SSBP2: variants seen among roughly 807,000 people sequenced by gnomAD.
SSBP2 encodes single-stranded DNA-binding protein 2.
In SSBP2, 17 loss-of-function variants were observed where a neutral mutation model predicts 61.8. The observed-to-expected ratio is 0.28, with a 90% CI of 0.19 to 0.41. The LOEUF is 0.41. SSBP2 is among the 10% of genes least tolerant of loss of function. SSBP2 has a pLI of 1.00. For synonymous variants in SSBP2, 139 were observed against 141.3 expected, an observed-to-expected ratio of 0.98 and a Z score of 0.12; for missense variants, 310 against 458.7, an observed-to-expected ratio of 0.68 and a Z score of 2.96.
intron 4 of SSBP2, among the ~76,000 whole-genome samples, chr5:81,570,825 C>T (rs1017587120): frequency 1.1e-4 from 16 of 152,154 alleles, no homozygotes; most frequent in Non-Finnish European, 1.6e-4. Context: ...CTAGTGAAGT[C>T]CATAATACAA....
At chr5:81,613,452 G>C (rs1047446463) in intron 4 of SSBP2, among the ~76,000 whole-genome samples, 1 of 152,054 alleles carries the variant, frequency 6.6e-6, no homozygotes, top group Non-Finnish European at 1.5e-5. Flanking sequence ...ATGAATGCAA[G>C]ATGATGATGA....
At chr5:81,734,197 A>G (rs2154000606) in intron 1 of SSBP2, among the ~76,000 whole-genome samples, 1 of 152,324 alleles carries the variant, frequency 6.6e-6, no homozygotes, top group African/African-American at 2.4e-5. Context: ...TTAAATACAC[A>G]GATAAAAACT....
At chr5:81,615,420 T>C in intron 4 of SSBP2, 53 bp downstream of exon 4, 3 of 1,288,582 alleles carry the variant, frequency 2.3e-6, no homozygotes, top group Non-Finnish European at 3.4e-6. Context: ...TTAAGAGCAG[T>C]GGTTAAACAG....
chr5:81,626,467 A>G (rs1169964428), intron 3 of SSBP2, among the ~76,000 whole-genome samples: 1 of 152,232 alleles, frequency 6.6e-6, no homozygotes, highest in East Asian at 1.9e-4. Flanking sequence ...TTTAATTATT[A>G]CGTTATTTTG....
chr5:81,746,257 C>G (rs1581469397), intron 1 of SSBP2, among the ~76,000 whole-genome samples: 1 of 151,890 alleles, frequency 6.6e-6, no homozygotes, highest in Non-Finnish European at 1.5e-5. Context: ...AAAGATCAAT[C>G]AAAAGCTAAC....
intron 1 of SSBP2, among the ~76,000 whole-genome samples, chr5:81,718,289 T>A (rs1386671044): frequency 2.0e-5 from 3 of 151,772 alleles, no homozygotes; most frequent in Admixed American, 2.0e-4. Flanking sequence ...ACCACAGAGA[T>A]AGGATTCAGA....
intron 14 of SSBP2, 24 bp from the exon 15 acceptor site, chr5:81,437,482 G>A: frequency 1.3e-6 from 2 of 1,591,106 alleles, no homozygotes; most frequent in Non-Finnish European, 8.6e-7. Context: ...TAAAAAGAAA[G>A]CCTTTATTAG....
At position 81,416,227 on chromosome 5, in the gene SSBP2, A is replaced by T. The variant is rs546203745; in HGVS notation, c.*4277T>A. ...CAAGACTGTCTCAAAAAAAAAAAAG[A>T]AAAAAAAATTTAAAAAAAAGGAAAA... On this transcript the variant is annotated 3_prime_UTR_variant, in exon 17 of 17. Transcript: ENST00000320672. The T allele has an allele frequency of 4.7e-5, 7 of 149,684 alleles. No individual in the cohort carries two copies. The East Asian group carries it at 1.2e-3, about 25-fold the overall frequency. The allele number at this position is 149,684 out of a possible 1,614,324, so 9.3% of individuals were successfully genotyped here. A position where few individuals can be genotyped will look rare whatever the true frequency, so the allele number is the denominator to read the frequency against.
At chr5:81,714,839 T>C (rs551873012) in intron 1 of SSBP2, among the ~76,000 whole-genome samples, 12 of 152,276 alleles carry the variant, frequency 7.9e-5, no homozygotes, top group African/African-American at 2.6e-4. Flanking sequence ...TCCCATTCTA[T>C]AGGTTGCTTG....
At chr5:81,523,902 C>A (rs1463193263) in intron 4 of SSBP2, among the ~76,000 whole-genome samples, 1 of 152,026 alleles carries the variant, frequency 6.6e-6, no homozygotes, top group African/African-American at 2.4e-5. Context: ...GAAATATTAA[C>A]ATTGTCTCCG....
intron 11 of SSBP2, chr5:81,447,852 C>T (rs1763502146): frequency 1.3e-5 from 2 of 152,116 alleles, no homozygotes; most frequent in South Asian, 2.1e-4. Context: ...AATTTTCTTA[C>T]TTTCATTTTT....
chr5:81,657,381 T>C (rs1750319793), intron 1 of SSBP2, among the ~76,000 whole-genome samples: 2 of 152,206 alleles, frequency 1.3e-5, no homozygotes, highest in South Asian at 4.1e-4. Flanking sequence ...AATATATTTT[T>C]GCAAAATGTT....
At chr5:81,583,130 T>A (rs1052059334) in intron 4 of SSBP2, among the ~76,000 whole-genome samples, 1 of 152,012 alleles carries the variant, frequency 6.6e-6, no homozygotes, top group African/African-American at 2.4e-5. Flanking sequence ...GGTAGGAGGA[T>A]CCTTTGATCC....
At chr5:81,440,460 A>G in intron 14 of SSBP2, 98 bp downstream of exon 14, 1 of 931,590 alleles carries the variant, frequency 1.1e-6, no homozygotes, top group South Asian at 1.6e-5. Flanking sequence ...AAAAATGAGT[A>G]GCTGGCTATG....
At chr5:81,751,700 T>C (rs576519700), upstream of SSBP2, 566 of 152,762 alleles carry the variant, frequency 3.7e-3, 1 homozygote, top group Non-Finnish European at 5.0e-3. Flanking sequence ...CCCTACTCCC[T>C]GGGGTGTCGC....
At chr5:81,722,400 T>G (rs937641781) in intron 1 of SSBP2, among the ~76,000 whole-genome samples, 57 of 151,630 alleles carry the variant, frequency 3.8e-4, no homozygotes, top group Middle Eastern at 3.4e-3. Context: ...TAATTTTGTT[T>G]TTTTTTTTTT....
Position 81,710,309 on chromosome 5 carries a change from T to C in SSBP2, c.62+40672A>G, listed in dbSNP as rs79233518. On this transcript the variant is annotated intron_variant, in intron 1 of 16. Transcript: ENST00000320672. ...TCCTCGCAAAGGCAGTGTTTTCTGA[T>C]GTTCTATCCTAATATAAATATGCTT... Among the ~76,000 whole-genome samples, 872 of 152,208 alleles carry C rather than the reference T, an allele frequency of 5.7e-3. 7 individuals carry two copies. Among genetic ancestry groups the C allele is most frequent in the Middle Eastern group, 0.02 (6 of 294 alleles).
intron 10 of SSBP2, among the ~76,000 whole-genome samples, chr5:81,460,783 T>C (rs1010127468): frequency 3.9e-5 from 6 of 152,324 alleles, no homozygotes; most frequent in African/African-American, 1.2e-4. Flanking sequence ...TATTGTAGTA[T>C]ATACTTAAGT....
At position 81,685,393 on chromosome 5, in the gene SSBP2, A is replaced by G. The variant is rs567173852; in HGVS notation, c.63-35054T>C. On this transcript the variant is annotated intron_variant, in intron 1 of 16. Transcript: ENST00000320672. Reference sequence around the variant, plus strand: ...ATGATAATGATGTCTTAATGTATTCAGCAATTGTAACAAATGTACCACTGT... The same window carrying G: ...ATGATAATGATGTCTTAATGTATTCGGCAATTGTAACAAATGTACCACTGT... Among the ~76,000 whole-genome samples, 10 of 152,312 alleles carry G rather than the reference A, an allele frequency of 6.6e-5. No individual in the cohort carries two copies. The South Asian group carries it at 2.1e-3, about 32-fold the overall frequency.
Sources: allele counts gnomAD v4.1 joint callset (sites outside exome capture counted in the v4.1 genomes callset), GRCh38; gene constraint gnomAD v4.1.1; transcripts MANE v1.5; gene names NCBI Gene and HGNC (gene_info 2026-07-23, HGNC 2026-07-21).